The following RAD52 variants were observed in gnomAD, a reference collection of about 807,000 sequenced individuals.
RAD52 encodes the protein RAD52 DNA repair protein.
A neutral mutation model predicts 55.5 loss-of-function variants in RAD52; 47 were observed. The ratio of observed to expected loss-of-function variants is 0.85; its 90% CI spans 0.67 to 1.08. RAD52 has a LOEUF of 1.08. RAD52 is among the 50% of genes least tolerant of loss of function. The pLI is 0.00. For missense variants in RAD52, 468 were observed against 522.8 expected, an observed-to-expected ratio of 0.90 and a Z score of 1.02; for synonymous variants, 184 against 198.9, an observed-to-expected ratio of 0.92 and a Z score of 0.63.
At chr12:927,557 A>T (rs536176676) in intron 5 of RAD52, among the ~76,000 whole-genome samples, 4 of 152,120 alleles carry the variant, frequency 2.6e-5, no homozygotes, top group African/African-American at 9.7e-5. Flanking sequence ...GCATCACCCT[A>T]AGGTAAAAAA....
intron 1 of RAD52, among the ~76,000 whole-genome samples, chr12:944,706 G>GT (rs1958110994): frequency 6.6e-6 from 1 of 150,606 alleles, no homozygotes; most frequent in African/African-American, 2.4e-5. Flanking sequence ...TATTAAAAAG[G>GT]TAAAGACTGG....
intron 1 of RAD52, among the ~76,000 whole-genome samples, chr12:949,075 T>C (rs562701651): frequency 4.6e-5 from 7 of 152,012 alleles, no homozygotes; most frequent in Non-Finnish European, 1.0e-4. Context: ...TTTTCCCCCG[T>C]GACAGGGTCT....
intron 1 of RAD52, among the ~76,000 whole-genome samples, chr12:980,336 C>T (rs1958996558): frequency 6.6e-6 from 1 of 151,390 alleles, no homozygotes; most frequent in Non-Finnish European, 1.5e-5. Context: ...TCTTGTCCCC[C>T]AGGCTGGAGT....
Position 929,846 on chromosome 12 carries a change from G to C in RAD52, c.321C>G (p.Val107=). The C allele has an allele frequency of 6.2e-7, 1 of 1,614,024 alleles. No individual in the cohort carries two copies. Among genetic ancestry groups the C allele is most frequent in the Non-Finnish European group, 8.5e-7 (1 of 1,179,936 alleles). ...TCAGCTGGACCCTCACAAATGCACA[G>C]ACTCCCACGTAGAACTTGCCATTGT... The part of the protein sequence containing the change: ...DLNNGKFYVG[V]CAFVRVQLKD... The change falls in exon 5 of 12, where the codon GTC becomes GTG. Residue 107 remains valine, a synonymous_variant. Transcript: ENST00000358495.
chr12:971,605 T>C (rs1378786115), intron 1 of RAD52, among the ~76,000 whole-genome samples: 1 of 152,208 alleles, frequency 6.6e-6, no homozygotes, highest in African/African-American at 2.4e-5. Context: ...ACTACTATTA[T>C]TGGTTGTAAA....
In RAD52 at chr12:969,720, G is replaced by A. The variant is rs1958815323; in HGVS notation, c.-19+20089C>T. Among the ~76,000 whole-genome samples the A allele has an allele frequency of 2.6e-5, 4 of 151,818 alleles. No individual in the cohort carries two copies. In the East Asian group the frequency reaches 5.8e-4, roughly 22 times the overall value. On this transcript the variant is annotated intron_variant, in intron 1 of 11. Coordinates refer to the RAD52 transcript ENST00000430095. ...GTGGGAGGATATCTTGAGCCCAGGA[G>A]TTGAGGCTACAGTGAGCTATGATCA...
intron 1 of RAD52, among the ~76,000 whole-genome samples, chr12:971,151 T>C (rs994291600): frequency 1.3e-5 from 2 of 152,244 alleles, no homozygotes; most frequent in Admixed American, 1.3e-4. Context: ...GGAACCTATA[T>C]GTCTTTACTT....
intron 1 of RAD52, among the ~76,000 whole-genome samples, chr12:977,419 A>T (rs933338): frequency 6.6e-6 from 1 of 152,138 alleles, no homozygotes; most frequent in Non-Finnish European, 1.5e-5. Flanking sequence ...GCACCTTACC[A>T]TGCTTGCCTG....
At chr12:935,281 G>T (rs1957553070) in intron 1 of RAD52, among the ~76,000 whole-genome samples, 1 of 151,452 alleles carries the variant, frequency 6.6e-6, no homozygotes, top group Admixed American at 6.6e-5. Flanking sequence ...TAATAGAAAT[G>T]AAACAAATGA....
At chr12:981,673 C>T (rs370843321) in intron 1 of RAD52, among the ~76,000 whole-genome samples, 1 of 151,744 alleles carries the variant, frequency 6.6e-6, no homozygotes, top group Non-Finnish European at 1.5e-5. Context: ...AGGATAATCG[C>T]TCGAGCCCAG....
intron 1 of RAD52, among the ~76,000 whole-genome samples, chr12:972,651 A>C (rs999591645): frequency 1.3e-5 from 2 of 151,722 alleles, no homozygotes; most frequent in African/African-American, 4.9e-5. Context: ...CTGTAGTCCC[A>C]GCTACTCGGT....
chr12:965,664 T>A (rs1045844196), intron 1 of RAD52, among the ~76,000 whole-genome samples: 2 of 151,996 alleles, frequency 1.3e-5, no homozygotes, highest in Non-Finnish European at 2.9e-5. Context: ...GGGGTTTTTT[T>A]ATTTTTGTAG....
chr12:916,531 G>A (rs778672139), intron 8 of RAD52, 48 bp from the exon 9 acceptor site: 6 of 1,605,680 alleles, frequency 3.7e-6, no homozygotes, highest in Admixed American at 1.7e-5. Flanking sequence ...CAACAGCCGC[G>A]GCTGCTGGGA....
chr12:929,218 T>C (rs1420997735), intron 5 of RAD52, among the ~76,000 whole-genome samples: 1 of 152,104 alleles, frequency 6.6e-6, no homozygotes, highest in Non-Finnish European at 1.5e-5. Context: ...GGAAATAGAA[T>C]AGAAATATGA....
chr12:989,560 C>T (rs1959148342), intron 1 of RAD52, among the ~76,000 whole-genome samples: 1 of 151,884 alleles, frequency 6.6e-6, no homozygotes, highest in Admixed American at 6.6e-5. Flanking sequence ...AGTGTGGTGG[C>T]AAAAAATAAA....
At chr12:917,103 C>T (rs1479155196) in intron 7 of RAD52, among the ~76,000 whole-genome samples, 3 of 152,210 alleles carry the variant, frequency 2.0e-5, no homozygotes, top group Non-Finnish European at 4.4e-5. Flanking sequence ...GTCTTTGCTG[C>T]CTCCTTGTCC....
Position 911,777 on chromosome 12 carries a change from C to CTT in RAD52, c.*1612_*1613dup, listed in dbSNP as rs1321721103. 1.3e-5 allele frequency among the ~76,000 whole-genome samples: 2 copies of CTT among 152,236 alleles called. No individual in the cohort carries two copies. The highest frequency in any genetic ancestry group is 3.9e-4 in the East Asian group (2 of 5,186). On this transcript the variant is annotated 3_prime_UTR_variant, in exon 12 of 12. Transcript: ENST00000358495. Reference sequence around the variant, plus strand: ...ATGCCTATAATTCTAGTACTTTTTACTTTGGGAGGCCGAGGTGGGCAGATC... The same window carrying CTT: ...ATGCCTATAATTCTAGTACTTTTTACTTTTTGGGAGGCCGAGGTGGGCAGATC...
chr12:964,210 G>A (rs902310516), intron 1 of RAD52, among the ~76,000 whole-genome samples: 13 of 152,134 alleles, frequency 8.5e-5, no homozygotes, highest in Non-Finnish European at 1.8e-4. Context: ...ATCTATGTAA[G>A]TTTTAAGAGG....
intron 1 of RAD52, among the ~76,000 whole-genome samples, chr12:937,992 G>A (rs532473800): frequency 2.6e-5 from 4 of 152,182 alleles, no homozygotes; most frequent in South Asian, 2.1e-4. Flanking sequence ...AGGTTCCCCC[G>A]TGGCAACAGG....
Sources: gnomAD v4.1 joint callset for allele counts (sites outside exome capture counted in the v4.1 genomes callset) on GRCh38, gnomAD v4.1.1 for gene constraint, MANE v1.5 for transcripts, NCBI Gene and HGNC (gene_info 2026-07-23, HGNC 2026-07-21) for gene names.